Variants in PRKDC observed in about 807,000 individuals in gnomAD.
PRKDC encodes protein kinase, DNA-activated, catalytic subunit.
A neutral mutation model predicts 486.9 loss-of-function variants in PRKDC; 82 were observed. That is an observed-to-expected ratio of 0.17 (90% confidence interval 0.14 to 0.20). The LOEUF is 0.20. Ranked by LOEUF, PRKDC falls within the 10% of genes least tolerant of loss-of-function variation. PRKDC has a pLI of 1.00. For synonymous variants in PRKDC, 1,895 were observed against 1,837.0 expected (o/e 1.03, Z -0.81); for missense variants, 4,504 against 5,038.2 (o/e 0.89, Z 3.21).
Position 47,782,487 on chromosome 8 carries a change from G to T in PRKDC, c.11287C>A (p.Arg3763Ser). Residue 3763 changes from arginine to serine, a missense_variant, in exon 79 of 86, where the codon CGC becomes AGC. Physicochemically the swap from Arg to Ser is moderately radical, Grantham distance 110 (BLOSUM62 -1). Around this residue, in one of 6 missense-constraint regions of PRKDC, gnomAD observed 706 missense variants for 945.0 expected, o/e 0.75. Coordinates refer to ENST00000314191, the MANE Select transcript of PRKDC (RefSeq NM_006904.7). This position sits in a 1 kb window ranked among gnomAD's most constrained non-coding sequence, Gnocchi z 4.9. ...ATGACCTGGAAGAGCTGCTCCACGCGCTGGTCCTGCCGCAGGTCCTCGCCA... is the reference window on the plus strand; with the variant it reads ...ATGACCTGGAAGAGCTGCTCCACGCTCTGGTCCTGCCGCAGGTCCTCGCCA... ...KGGEDLRQDQ[R>S]VEQLFQVMNG... is the part of the protein sequence containing the mutation. 1 of 1,580,810 alleles carries T rather than the reference G, an allele frequency of 6.3e-7. No homozygotes were observed. The highest frequency in any genetic ancestry group is 2.3e-5 in the East Asian group (1 of 43,092).
chr8:47,917,675 A>G (rs2090007307), intron 22 of PRKDC, among the ~76,000 whole-genome samples: 1 of 152,210 alleles, frequency 6.6e-6, no homozygotes, highest in African/African-American at 2.4e-5. Context: ...TTAAGATCTA[A>G]GCATAAATGA....
chr8:47,891,345 C>G (rs2154501893), intron 31 of PRKDC, among the ~76,000 whole-genome samples: 1 of 152,250 alleles, frequency 6.6e-6, no homozygotes, highest in East Asian at 1.9e-4. Context: ...AAAGTCAATC[C>G]AAACTGTCAA....
intron 21 of PRKDC, among the ~76,000 whole-genome samples, chr8:47,919,387 T>C (rs2090038039): frequency 6.6e-6 from 1 of 152,258 alleles, no homozygotes; most frequent in South Asian, 2.1e-4. Context: ...TGGGAACCAG[T>C]TGTAACATTT....
intron 73 of PRKDC, among the ~76,000 whole-genome samples, chr8:47,797,851 G>C (rs1490878623): frequency 6.6e-6 from 1 of 152,210 alleles, no homozygotes; most frequent in East Asian, 1.9e-4. Context: ...GAGGTGGGAT[G>C]CAAGCTGAAC....
intron 58 of PRKDC, among the ~76,000 whole-genome samples, chr8:47,835,995 T>C (rs369772406): frequency 6.6e-6 from 1 of 152,194 alleles, no homozygotes; most frequent in Non-Finnish European, 1.5e-5. Flanking sequence ...GCGGAACTCC[T>C]GGGCTCAACT....
At position 47,929,946 on chromosome 8, in the gene PRKDC, T is replaced by G; in HGVS notation, c.1959A>C (p.Leu653Phe). Residue 653 changes from leucine (L) to phenylalanine (F), a missense_variant, in exon 18 of 86, where the codon TTA (leucine) becomes TTC (phenylalanine). This residue lies in a region of PRKDC where 1,969 missense variants were observed against 2,068.9 expected (regional missense o/e 0.95). Coordinates refer to ENST00000314191, the MANE Select transcript of PRKDC (RefSeq NM_006904.7). Reference protein sequence around the residue: ...EPWVYSFSYELILQSTRLPLI... With the variant: ...EPWVYSFSYEFILQSTRLPLI... ...GGGGCAACCTTGTAGATTGCAAAAT[T>G]AATTCATATGAAAATGAGTACACCC... 6.2e-7 allele frequency: 1 copy of G among 1,611,106 alleles called. No homozygotes were observed. The highest frequency in any genetic ancestry group is 8.5e-7 in the Non-Finnish European group (1 of 1,178,808).
At chr8:47,774,957 C>A (rs1340060036) in intron 85 of PRKDC, among the ~76,000 whole-genome samples, 1 of 151,888 alleles carries the variant, frequency 6.6e-6, no homozygotes, top group East Asian at 1.9e-4. Flanking sequence ...TCTGGCAAGG[C>A]GTGGTGGCTC....
chr8:47,900,862 A>T (rs972344759), intron 27 of PRKDC, among the ~76,000 whole-genome samples: 1 of 150,784 alleles, frequency 6.6e-6, no homozygotes, highest in Admixed American at 6.6e-5. Context: ...AAAAAAAAAA[A>T]TTGTTTTTTT....
intron 7 of PRKDC, among the ~76,000 whole-genome samples, chr8:47,949,299 C>A (rs928821817): frequency 1.3e-4 from 20 of 152,212 alleles, no homozygotes; most frequent in Non-Finnish European, 2.1e-4. Context: ...GGATGGGACA[C>A]CCTGGTGGCC....
chr8:47,898,929 C>T (rs2089632054), intron 28 of PRKDC, among the ~76,000 whole-genome samples: 2 of 152,334 alleles, frequency 1.3e-5, no homozygotes, highest in South Asian at 4.1e-4. Context: ...GCAGGTATTA[C>T]AAAACCCACA....
chr8:47,936,515 C>T lies in PRKDC; in HGVS notation c.1116G>A (p.Pro372=), dbSNP rs369975253. 2.0e-5 allele frequency: 33 copies of T among 1,613,800 alleles called. No individual in the cohort carries two copies. The Middle Eastern group carries it at 4.9e-4, about 24-fold the overall frequency. The change falls in exon 12 of 86, where the codon CCG becomes CCA. Residue 372 remains proline (P), a splice_region_variant and synonymous_variant. Transcript: ENST00000314191. ...CATCTTTTGCGTTTATAACCTTGCA[C>T]GGCTTTAGAAAAGGTAAAACAGAAG... ...AIRGYGLFAG[P]CKVINAKDVD...
Position 47,864,548 on chromosome 8 carries a change from T to A in PRKDC, c.5571+8A>T. 1.2e-6 allele frequency: 2 copies of A among 1,601,030 alleles called. No individual in the cohort carries two copies. The highest frequency in any genetic ancestry group is 1.7e-6 in the Non-Finnish European group (2 of 1,174,108). ...CACTTCTTATTACTGATTTAAGGCG[T>A]ATGATACCTTTGTAAACCTGGACTT... is the stretch of plus-strand genomic sequence containing the variant. On this transcript the variant is annotated splice_region_variant and intron_variant, in intron 41 of 85. Coordinates refer to ENST00000314191, the MANE Select transcript of PRKDC (RefSeq NM_006904.7).
Position 47,828,362 on chromosome 8 carries a change from A to G in PRKDC, c.8398-15T>C, listed in dbSNP as rs896818046. 2 of 1,538,072 alleles carry G rather than the reference A, an allele frequency of 1.3e-6. No individual in the cohort carries two copies. The highest frequency in any genetic ancestry group is 1.7e-6 in the Non-Finnish European group (2 of 1,146,502). ...ATTGGGTCCCTCTGTAAAAAATTCA[A>G]AACAAAGACAAATTAGGATCTGAAG... On this transcript the variant is annotated splice_polypyrimidine_tract_variant and intron_variant, in intron 61 of 85. Transcript: ENST00000314191.
chr8:47,954,948 G>T (rs1253630271), intron 4 of PRKDC, among the ~76,000 whole-genome samples: 1 of 152,050 alleles, frequency 6.6e-6, no homozygotes, highest in Non-Finnish European at 1.5e-5. Flanking sequence ...GAGGTCAGGA[G>T]TTCGAGACCA....
chr8:47,933,257 T>A, intron 15 of PRKDC, 85 bp from the exon 16 acceptor site: 2 of 1,103,396 alleles, frequency 1.8e-6, no homozygotes, highest in Non-Finnish European at 2.4e-6. Flanking sequence ...CATACACAGA[T>A]GTATGTGCCG....
At chr8:47,812,016 T>A (rs970725310) in intron 68 of PRKDC, among the ~76,000 whole-genome samples, 1 of 152,178 alleles carries the variant, frequency 6.6e-6, no homozygotes, top group Non-Finnish European at 1.5e-5. Context: ...TGTATACCTA[T>A]GTAACAAACC....
In PRKDC at chr8:47,875,061, CA is replaced by C. The variant is rs1370938478; in HGVS notation, c.5363+2662del. On this transcript the variant is annotated intron_variant, in intron 40 of 85. Coordinates refer to ENST00000314191, the MANE Select transcript of PRKDC (RefSeq NM_006904.7). Reference sequence around the variant, plus strand: ...GAGTGTGACCTTGCATCCAAAAAAACAAAAAAGCTATGTAGGTCTGGGATTT... The same window carrying C: ...GAGTGTGACCTTGCATCCAAAAAAACAAAAAGCTATGTAGGTCTGGGATTT... Among the ~76,000 whole-genome samples, 4 of 152,090 alleles carry C rather than the reference CA, an allele frequency of 2.6e-5. No individual in the cohort carries two copies. The East Asian group carries it at 7.7e-4, about 29-fold the overall frequency.
Position 47,943,471 on chromosome 8 carries a change from G to A in PRKDC, c.809-105C>T, listed in dbSNP as rs934813380. 6.7e-6 allele frequency: 8 copies of A among 1,190,646 alleles called. No homozygotes were observed. In the South Asian group the frequency reaches 1.3e-4, roughly 20 times the overall value. The allele number at this position is 1,190,646 out of a possible 1,614,324, so 73.8% of individuals were successfully genotyped here. On this transcript the variant is annotated intron_variant, in intron 9 of 85. Coordinates refer to ENST00000314191, the MANE Select transcript of PRKDC (RefSeq NM_006904.7). ...TCAAAGTCAACACTGTGCTCAGGAA[G>A]ATCTAGTACCATTACACTACAGTAA...
intron 25 of PRKDC, among the ~76,000 whole-genome samples, chr8:47,911,963 G>A (rs2089912086): frequency 6.6e-6 from 1 of 151,896 alleles, no homozygotes; most frequent in African/African-American, 2.4e-5. Flanking sequence ...AGAGACGGGG[G>A]TTTTATCATG....
Sources: gnomAD v4.1 joint callset for allele counts (sites outside exome capture counted in the v4.1 genomes callset) on GRCh38, gnomAD v4.1.1 for gene constraint, gnomAD v4.1.1 regional missense constraint, Gnocchi (gnomAD v3.1) non-coding constraint, MANE v1.5 for transcripts, NCBI Gene and HGNC (gene_info 2026-07-23, HGNC 2026-07-21) for gene names.